Variants in PLSCR4 observed in about 807,000 individuals in gnomAD.
The protein encoded by PLSCR4 is Ca(2+)-dependent phospholipid scramblase 4.
PLSCR4 carries 25 observed loss-of-function variants against 36.3 expected under a neutral mutation model. The ratio of observed to expected loss-of-function variants is 0.69; its 90% CI spans 0.50 to 0.96. The LOEUF is 0.96. PLSCR4 is among the 40% of genes least tolerant of loss of function. The probability of loss-of-function intolerance (pLI) is 0.00; values close to 1 mark genes in which losing one functional copy is unlikely to be tolerated. For synonymous variants in PLSCR4, 122 were observed against 132.9 expected (o/e 0.92, Z 0.56); for missense variants, 408 against 414.7 (o/e 0.98, Z 0.14).
At chr3:146,229,199 T>A (rs537934263) in intron 1 of PLSCR4, among the ~76,000 whole-genome samples, 1 of 152,226 alleles carries the variant, frequency 6.6e-6, no homozygotes, top group Non-Finnish European at 1.5e-5. Flanking sequence ...GTTTCTGTTT[T>A]CCTTGGTGGG....
chr3:146,246,458 G>T (rs1487446550), intron 1 of PLSCR4, among the ~76,000 whole-genome samples: 8 of 151,996 alleles, frequency 5.3e-5, no homozygotes, highest in Non-Finnish European at 1.2e-4. Flanking sequence ...TAAAATAAAA[G>T]ATAAGATTAA....
intron 3 of PLSCR4, among the ~76,000 whole-genome samples, chr3:146,216,299 TC>T (rs531491527): frequency 2.6e-3 from 403 of 152,180 alleles, no homozygotes; most frequent in Middle Eastern, 0.01. Flanking sequence ...AAAAGGTCAC[TC>T]TTGCATAATG....
Position 146,220,896 on chromosome 3 carries a change from C to T in PLSCR4, c.37G>A (p.Ala13Thr), listed in dbSNP as rs1313866517. 2 of 1,613,310 alleles carry T rather than the reference C, an allele frequency of 1.2e-6. No homozygotes were observed. Among genetic ancestry groups the T allele is most frequent in the Non-Finnish European group, 1.7e-6 (2 of 1,179,536 alleles). Residue 13 changes from alanine (A) to threonine (T), a missense_variant, in exon 3 of 9, where the codon GCA becomes ACA. Coordinates refer to ENST00000354952, the MANE Select transcript of PLSCR4 (RefSeq NM_020353.3). ...TTTGTTTGATTTTCCATTTCACCTG[C>T]AGGCTGTTCAGGGGCTGTGGGTACC... Reference protein sequence around the residue: ...GVVPTAPEQPAGEMENQTKPP... With the variant: ...GVVPTAPEQPTGEMENQTKPP...
chr3:146,206,444 C>G (rs532769377), intron 4 of PLSCR4, 82 bp downstream of exon 4: 1 of 982,988 alleles, frequency 1.0e-6, no homozygotes, highest in Admixed American at 1.8e-5. Context: ...CCTTTATTCA[C>G]TCTGGTCTGC....
At chr3:146,244,569 T>C (rs1424310215) in intron 1 of PLSCR4, among the ~76,000 whole-genome samples, 1 of 152,064 alleles carries the variant, frequency 6.6e-6, no homozygotes, top group Non-Finnish European at 1.5e-5. Flanking sequence ...ATCTTTGATG[T>C]TACTATTATA....
chr3:146,196,020 G>A (rs919632480), intron 7 of PLSCR4, among the ~76,000 whole-genome samples: 3 of 152,066 alleles, frequency 2.0e-5, no homozygotes, highest in Non-Finnish European at 4.4e-5. Flanking sequence ...AAGAAGCCTA[G>A]GAAATATTTC....
intron 1 of PLSCR4, among the ~76,000 whole-genome samples, chr3:146,224,838 TC>T (rs1185454042): frequency 6.7e-6 from 1 of 149,166 alleles, no homozygotes; most frequent in Non-Finnish European, 1.5e-5. Flanking sequence ...GTTCTCCACG[TC>T]CCCATCAGAT....
At position 146,207,281 on chromosome 3, in the gene PLSCR4, A is replaced by G. The variant is rs533416910; in HGVS notation, c.119-520T>C. Among the ~76,000 whole-genome samples, 6 of 152,152 alleles carry G rather than the reference A, an allele frequency of 3.9e-5. No homozygotes were observed. In the South Asian group the frequency reaches 1.2e-3, roughly 32 times the overall value. ...GTTGCCTTGACCCAATCGCTTGTAC[A>G]TATCTTCATCATCGAGTTCTCAGAC... On this transcript the variant is annotated intron_variant, in intron 3 of 8. Transcript: ENST00000354952.
At chr3:146,236,411 T>G (rs551102604) in intron 1 of PLSCR4, among the ~76,000 whole-genome samples, 1 of 152,324 alleles carries the variant, frequency 6.6e-6, no homozygotes, top group Admixed American at 6.5e-5. Context: ...GTTAAATGCA[T>G]ATTTTTTTAA....
chr3:146,211,593 GTCATA>G (rs1298429920), intron 3 of PLSCR4, among the ~76,000 whole-genome samples: 1 of 151,994 alleles, frequency 6.6e-6, no homozygotes, highest in African/African-American at 2.4e-5. Flanking sequence ...GCTTTAGAGT[GTCATA>G]TCATATCTAA....
At position 146,214,344 on chromosome 3, in the gene PLSCR4, C is replaced by T. The variant is rs1469811592; in HGVS notation, c.118+6471G>A. Among the ~76,000 whole-genome samples the T allele has an allele frequency of 2.6e-3, 31 of 11,946 alleles. 14 individuals are homozygous for T. The South Asian group carries it at 0.11, about 42-fold the overall frequency. The allele number at this position is 11,946 out of a possible 152,430, so 7.8% of individuals were successfully genotyped here. A position where few individuals can be genotyped will look rare whatever the true frequency, so the allele number is the denominator to read the frequency against. ...CACCGTTTTTTAGCCGGGATGGTCT[C>T]GATCTCCTGACCTCGTGATCCGCCC... On this transcript the variant is annotated intron_variant, in intron 3 of 8. Coordinates refer to ENST00000354952, the MANE Select transcript of PLSCR4 (RefSeq NM_020353.3).
At chr3:146,217,257 AC>A (rs1334987103) in intron 3 of PLSCR4, among the ~76,000 whole-genome samples, 2 of 152,202 alleles carry the variant, frequency 1.3e-5, no homozygotes, top group Non-Finnish European at 2.9e-5. Context: ...GGGGTACCTA[AC>A]CTATGCAGAG....
intron 1 of PLSCR4, among the ~76,000 whole-genome samples, chr3:146,230,808 T>C (rs1282259040): frequency 6.6e-6 from 1 of 152,310 alleles, no homozygotes; most frequent in Non-Finnish European, 1.5e-5. Flanking sequence ...ATAAGCTCCA[T>C]AAAGGAAGAA....
Position 146,199,953 on chromosome 3 carries a change from C to G in PLSCR4, c.484G>C (p.Asp162His). The G allele has an allele frequency of 6.2e-7, 1 of 1,613,382 alleles. No homozygotes were observed. Among genetic ancestry groups the G allele is most frequent in the Non-Finnish European group, 8.5e-7 (1 of 1,179,564 alleles). ...MVYIVTEDTD[D>H]FTRNAYRTLR... ...GTCCGATAGGCATTCCTGGTAAAGT[C>G]ATCTGTGTCTTCGGTTACAATGTAA... Residue 162 changes from aspartate (D) to histidine (H), a missense_variant, in exon 6 of 9, where the codon GAC becomes CAC. By Grantham distance (81) the Asp-to-His change is moderately conservative (BLOSUM62 -1). Coordinates refer to ENST00000354952, the MANE Select transcript of PLSCR4 (RefSeq NM_020353.3).
At chr3:146,195,375 C>T (rs886121506) in intron 7 of PLSCR4, 93 bp from the exon 8 acceptor site, 1 of 970,096 alleles carries the variant, frequency 1.0e-6, no homozygotes, top group African/African-American at 1.6e-5. Context: ...AAATACAATG[C>T]AGAAAAAGAC....
intron 3 of PLSCR4, among the ~76,000 whole-genome samples, chr3:146,209,413 T>C (rs1454199837): frequency 1.3e-5 from 2 of 152,026 alleles, no homozygotes; most frequent in Admixed American, 6.6e-5. Context: ...CAAAATCCTA[T>C]GGAAATAAAA....
intron 1 of PLSCR4, among the ~76,000 whole-genome samples, chr3:146,226,477 G>A (rs1489828583): frequency 6.6e-6 from 1 of 152,116 alleles, no homozygotes; most frequent in Non-Finnish European, 1.5e-5. Flanking sequence ...CTATGTGTCT[G>A]TCCGCCTATC....
intron 1 of PLSCR4, among the ~76,000 whole-genome samples, chr3:146,249,314 T>G (rs1005731961): frequency 1.5e-4 from 23 of 152,106 alleles, no homozygotes; most frequent in African/African-American, 5.5e-4. Context: ...TAGACTACAT[T>G]TGTCTATTAA....
intron 1 of PLSCR4, among the ~76,000 whole-genome samples, chr3:146,248,215 G>GA (rs556525603): frequency 6.6e-6 from 1 of 151,384 alleles, no homozygotes; most frequent in Admixed American, 6.6e-5. Context: ...ACTTATAAAA[G>GA]AAAAAAAATG....
Sources: allele counts gnomAD v4.1 joint callset (sites outside exome capture counted in the v4.1 genomes callset), GRCh38; gene constraint gnomAD v4.1.1; transcripts MANE v1.5; gene names NCBI Gene and HGNC (gene_info 2026-07-23, HGNC 2026-07-21).